Variants in FTO observed in about 807,000 individuals in gnomAD.
The protein encoded by FTO is alpha-ketoglutarate-dependent dioxygenase FTO.
A neutral mutation model predicts 63.9 loss-of-function variants in FTO; 47 were observed. The observed-to-expected ratio is 0.74, with a 90% confidence interval of 0.58 to 0.94. The LOEUF (loss-of-function observed/expected upper bound fraction) is 0.94, where lower values mean the gene tolerates loss of function less well. Ranked by LOEUF, FTO falls within the 40% of genes least tolerant of loss-of-function variation. The pLI, the probability that FTO is intolerant of heterozygous loss-of-function variation, is 0.00. For missense variants in FTO, 562 were observed against 618.1 expected (o/e 0.91, Z 0.96); for synonymous variants, 207 against 224.4 (o/e 0.92, Z 0.69).
chr16:54,011,291 A>T (rs1861358), intron 8 of FTO, among the ~76,000 whole-genome samples: 3 of 151,990 alleles, frequency 2.0e-5, no homozygotes, highest in African/African-American at 7.2e-5. Flanking sequence ...TCTTTTAGAA[A>T]GTTTCTGATG....
intron 8 of FTO, among the ~76,000 whole-genome samples, chr16:54,049,729 G>A (rs2085269998): frequency 6.6e-6 from 1 of 152,218 alleles, no homozygotes; most frequent in Non-Finnish European, 1.5e-5. Context: ...CAGGCAGAAT[G>A]TAGGCAAAGG....
intron 8 of FTO, among the ~76,000 whole-genome samples, chr16:54,021,274 T>C (rs183851390): frequency 1.9e-3 from 284 of 152,260 alleles, no homozygotes; most frequent in Non-Finnish European, 2.3e-3. Flanking sequence ...AAATGTAGTT[T>C]CTTCATGCAA....
intron 7 of FTO, among the ~76,000 whole-genome samples, chr16:53,895,906 A>C (rs2081268115): frequency 6.6e-6 from 1 of 152,156 alleles, no homozygotes; most frequent in Non-Finnish European, 1.5e-5. Flanking sequence ...TGGAGAGAAA[A>C]ACTGGAGTAA....
rs189450645 is a variant in FTO at position 53,796,130 on chromosome 16, C to T, written c.46-14010C>T. 1.6e-3 allele frequency among the ~76,000 whole-genome samples: 236 copies of T among 150,816 alleles called. 4 individuals are homozygous for T. The highest frequency in any genetic ancestry group is 5.4e-3 in the African/African-American group (222 of 41,042). On this transcript the variant is annotated intron_variant, in intron 1 of 8. Coordinates refer to ENST00000471389, the MANE Select transcript of FTO (RefSeq NM_001080432.3). ...ATGGCGCAATGCTGACTGCAACCTC[C>T]GCCTCCCAGGTTCAAGTGATTCTCC...
At chr16:54,101,980 TC>T (rs1422024085) in intron 8 of FTO, among the ~76,000 whole-genome samples, 4 of 152,358 alleles carry the variant, frequency 2.6e-5, no homozygotes, top group Admixed American at 2.6e-4. Flanking sequence ...AAGTGCCTGT[TC>T]GTGTTCTTTG....
intron 4 of FTO, among the ~76,000 whole-genome samples, chr16:53,868,220 A>G (rs1043188926): frequency 5.3e-5 from 8 of 152,132 alleles, no homozygotes; most frequent in African/African-American, 1.9e-4. Context: ...AATATCTACC[A>G]TATTTGTTAA....
chr16:54,110,243 T>C (rs1480626644), intron 8 of FTO, among the ~76,000 whole-genome samples: 1 of 152,206 alleles, frequency 6.6e-6, no homozygotes, highest in Admixed American at 6.5e-5. Flanking sequence ...GCAAACAGTT[T>C]AATATTTATG....
chr16:53,707,007 T>G (rs1173063074), intron 1 of FTO, among the ~76,000 whole-genome samples: 1 of 152,214 alleles, frequency 6.6e-6, no homozygotes, highest in African/African-American at 2.4e-5. Flanking sequence ...ATAGGGGAGT[T>G]CTTTGTTTAA....
At chr16:53,912,621 T>C (rs1185968318) in intron 7 of FTO, among the ~76,000 whole-genome samples, 1 of 152,212 alleles carries the variant, frequency 6.6e-6, no homozygotes, top group Non-Finnish European at 1.5e-5. Context: ...GCATGGGGAA[T>C]GTTGAGGTTG....
chr16:53,817,102 C>T (rs990293071), intron 2 of FTO, among the ~76,000 whole-genome samples: 4 of 152,150 alleles, frequency 2.6e-5, no homozygotes, highest in Admixed American at 2.6e-4. Context: ...TTCTTTTAAT[C>T]CTTGTATGTC....
chr16:53,743,270 T>A (rs1310019807), intron 1 of FTO, among the ~76,000 whole-genome samples: 1 of 152,182 alleles, frequency 6.6e-6, no homozygotes, highest in Non-Finnish European at 1.5e-5. Context: ...GCTTGGCCAC[T>A]AGGTGGCTCC....
intron 8 of FTO, among the ~76,000 whole-genome samples, chr16:53,950,091 G>A (rs1324364123): frequency 8.8e-6 from 1 of 113,670 alleles, no homozygotes; most frequent in Non-Finnish European, 1.7e-5. Context: ...TTTTTGGTGT[G>A]TAACACAAAA....
At chr16:54,004,790 G>C (rs2084156010) in intron 8 of FTO, among the ~76,000 whole-genome samples, 1 of 152,122 alleles carries the variant, frequency 6.6e-6, no homozygotes, top group South Asian at 2.1e-4. Flanking sequence ...CATTGGAGTG[G>C]CCGGGCACAG....
rs759400907 is a variant in FTO, at chr16:53,844,160, G to A, written c.757G>A (p.Glu253Lys). 2 of 1,613,644 alleles carry A rather than the reference G, an allele frequency of 1.2e-6. No homozygotes were observed. The highest frequency in any genetic ancestry group is 8.5e-7 in the Non-Finnish European group (1 of 1,179,622). ...ATTTTCTTCTCTTTTGGCAGGCCCT[G>A]AAGAGGAAAGTGAGGATGACTCTCA... Reference protein sequence around the residue: ...AVYSYSCEGPEEESEDDSHLE... With the variant: ...AVYSYSCEGPKEESEDDSHLE... The change falls in exon 4 of 9, where the codon GAA becomes AAA. Residue 253 changes from glutamate to lysine, a missense_variant. Transcript: ENST00000471389.
chr16:53,971,194 G>T (rs887688357), intron 8 of FTO, among the ~76,000 whole-genome samples: 4 of 152,148 alleles, frequency 2.6e-5, no homozygotes, highest in African/African-American at 9.7e-5. Flanking sequence ...GGACCTTTAA[G>T]TTGCTTTTGA....
intron 8 of FTO, among the ~76,000 whole-genome samples, chr16:54,034,847 T>G (rs536879501): frequency 7.2e-5 from 11 of 152,200 alleles, no homozygotes; most frequent in African/African-American, 2.7e-4. Context: ...TGTAACTACT[T>G]ATATGAGGTT....
At chr16:53,994,883 A>G (rs1274300800) in intron 8 of FTO, among the ~76,000 whole-genome samples, 2 of 152,012 alleles carry the variant, frequency 1.3e-5, no homozygotes, top group Non-Finnish European at 2.9e-5. Flanking sequence ...ACAGGTGGAC[A>G]CTACCACTCC....
intron 8 of FTO, among the ~76,000 whole-genome samples, chr16:54,022,375 G>A (rs1236502415): frequency 6.6e-6 from 1 of 152,074 alleles, no homozygotes; most frequent in Admixed American, 6.5e-5. Context: ...TGGATAAAAT[G>A]CTCTTTGAAC....
chr16:54,033,619 C>A (rs1347193724), intron 8 of FTO, among the ~76,000 whole-genome samples: 1 of 151,964 alleles, frequency 6.6e-6, no homozygotes, highest in African/African-American at 2.4e-5. Flanking sequence ...AAGTTCAAGA[C>A]CAGCCTGGGC....
Sources: allele counts gnomAD v4.1 joint callset (sites outside exome capture counted in the v4.1 genomes callset), GRCh38; gene constraint gnomAD v4.1.1; transcripts MANE v1.5; gene names NCBI Gene and HGNC (gene_info 2026-07-23, HGNC 2026-07-21).